The following EML4 variants were observed in gnomAD, a reference collection of about 807,000 sequenced individuals.
EML4 encodes EMAP like 4, also known as echinoderm microtubule-associated protein-like 4.
A neutral mutation model predicts 129.0 loss-of-function variants in EML4; 72 were observed. That is an observed-to-expected ratio of 0.56 (90% CI 0.46 to 0.68). EML4 has a LOEUF of 0.68. Among genes scored for constraint, EML4 ranks in the 30% least tolerant of loss-of-function variants. The probability of loss-of-function intolerance (pLI) is 0.00; values close to 1 mark genes in which losing one functional copy is unlikely to be tolerated. For synonymous variants in EML4, 532 were observed against 405.0 expected (o/e 1.31, Z -3.77); for missense variants, 1,363 against 1,190.6 (o/e 1.14, Z -2.13).
intron 1 of EML4, among the ~76,000 whole-genome samples, chr2:42,185,746 A>G (rs939063263): frequency 6.6e-6 from 1 of 152,148 alleles, no homozygotes; most frequent in Non-Finnish European, 1.5e-5. Context: ...CATGTAATCA[A>G]GTTTGGATTT....
intron 14 of EML4, 47 bp downstream of exon 14, chr2:42,301,439 G>T (rs1268297492): frequency 2.8e-6 from 4 of 1,420,660 alleles, no homozygotes. Context: ...TCTAAACTCA[G>T]GTATTTTGTC....
At chr2:42,255,554 A>ATAACAATAAG (rs1676080461) in intron 2 of EML4, among the ~76,000 whole-genome samples, 1 of 152,252 alleles carries the variant, frequency 6.6e-6, no homozygotes, top group South Asian at 2.1e-4. Context: ...AGCTACTGAT[A>ATAACAATAAG]TAACAATAAG....
At position 42,316,064 on chromosome 2, in the gene EML4, C is replaced by T. The variant is rs959090791; in HGVS notation, c.2056+14C>T. The T allele has an allele frequency of 1.3e-6, 2 of 1,574,412 alleles. No homozygotes were observed. The highest frequency in any genetic ancestry group is 1.7e-6 in the Non-Finnish European group (2 of 1,144,604). On this transcript the variant is annotated intron_variant, in intron 18 of 22. Transcript: ENST00000318522. The stretch of plus-strand genomic sequence containing the variant: ...GCTACTCAATAGGTAGGCAAATTTA[C>T]TCCCACCTCCCAAGCATGGCATTCA...
Position 42,219,924 on chromosome 2 carries a change from TAA to T in EML4, c.26-25566_26-25565del, listed in dbSNP as rs56773943. Among the ~76,000 whole-genome samples, 355 of 137,632 alleles carry T rather than the reference TAA, an allele frequency of 2.6e-3. 1 individual carries two copies. Among genetic ancestry groups the T allele is most frequent in the Middle Eastern group, 3.7e-3 (1 of 268 alleles). 90.3% of individuals were successfully genotyped at this position (137,632 alleles called of 152,430 possible). A position where few individuals can be genotyped will look rare whatever the true frequency, so the allele number is the denominator to read the frequency against. ...CTGGGCGACAGAAGGAGACTCCATC[TAA>T]AAAAAAAAAAAAAAGGAAAACTCTT... On this transcript the variant is annotated intron_variant, in intron 1 of 22. Coordinates refer to ENST00000318522, the MANE Select transcript of EML4 (RefSeq NM_019063.5).
chr2:42,273,935 G>C (rs773261442), intron 6 of EML4, among the ~76,000 whole-genome samples: 4 of 152,100 alleles, frequency 2.6e-5, no homozygotes, highest in Non-Finnish European at 5.9e-5. Context: ...ATTATAACCA[G>C]AAAATAACTG....
chr2:42,245,631 G>T lies in EML4; in HGVS notation c.152G>T (p.Arg51Leu). The change falls in exon 2 of 23, where the codon CGT becomes CTT. Residue 51 changes from arginine (R) to leucine (L), a missense_variant. Coordinates refer to ENST00000318522, the MANE Select transcript of EML4 (RefSeq NM_019063.5). Reference protein sequence around the residue: ...LKAALADVLRRLAISEDHVAS... With the variant: ...LKAALADVLRLLAISEDHVAS... ...GCGGCTTTGGCTGATGTTTTGAGGC[G>T]TCTTGCAATCTCTGAAGATCATGTG... 6.2e-7 allele frequency: 1 copy of T among 1,613,594 alleles called. No homozygotes were observed. Among genetic ancestry groups the T allele is most frequent in the Non-Finnish European group, 8.5e-7 (1 of 1,179,710 alleles).
chr2:42,220,409 C>T (rs1673512683), intron 1 of EML4, among the ~76,000 whole-genome samples: 1 of 151,970 alleles, frequency 6.6e-6, no homozygotes, highest in South Asian at 2.1e-4. Flanking sequence ...TTACGGTGAC[C>T]TGTGATCCAT....
chr2:42,307,682 T>C (rs1668688104), intron 17 of EML4, among the ~76,000 whole-genome samples: 1 of 152,208 alleles, frequency 6.6e-6, no homozygotes, highest in African/African-American at 2.4e-5. Context: ...TAGAGACAGT[T>C]TCCCTCTTTT....
At chr2:42,278,056 G>A (rs182002132) in intron 6 of EML4, among the ~76,000 whole-genome samples, 3 of 152,160 alleles carry the variant, frequency 2.0e-5, no homozygotes, top group Admixed American at 1.3e-4. Context: ...CACATTTTCA[G>A]TCTGGTTCTA....
At chr2:42,243,489 T>C (rs1457390453) in intron 1 of EML4, among the ~76,000 whole-genome samples, 2 of 151,984 alleles carry the variant, frequency 1.3e-5, no homozygotes, top group Admixed American at 6.6e-5. Context: ...TTGTAACTTT[T>C]GTACTTTGTA....
intron 1 of EML4, among the ~76,000 whole-genome samples, chr2:42,191,654 G>C (rs1483426743): frequency 6.6e-6 from 1 of 152,130 alleles, no homozygotes; most frequent in Non-Finnish European, 1.5e-5. Context: ...GTTTAATATT[G>C]ATTTAAAATT....
At chr2:42,233,273 A>G (rs1445531047) in intron 1 of EML4, among the ~76,000 whole-genome samples, 1 of 152,026 alleles carries the variant, frequency 6.6e-6, no homozygotes, top group Non-Finnish European at 1.5e-5. Context: ...AAAAGCAACA[A>G]AAAGAGATAA....
At chr2:42,206,438 A>G (rs1011050049) in intron 1 of EML4, among the ~76,000 whole-genome samples, 2 of 151,858 alleles carry the variant, frequency 1.3e-5, no homozygotes, top group African/African-American at 4.8e-5. Flanking sequence ...CAGGTCCCAA[A>G]CTCCTGGCCT....
At chr2:42,286,815 G>C (rs1198383252) in intron 10 of EML4, among the ~76,000 whole-genome samples, 1 of 152,184 alleles carries the variant, frequency 6.6e-6, no homozygotes, top group Non-Finnish European at 1.5e-5. Flanking sequence ...TCATATTTGA[G>C]CAGCAGAAAC....
At chr2:42,311,029 TAAAG>T (rs1668913646) in intron 17 of EML4, among the ~76,000 whole-genome samples, 1 of 152,228 alleles carries the variant, frequency 6.6e-6, no homozygotes, top group Admixed American at 6.5e-5. Flanking sequence ...TATTAATAAT[TAAAG>T]AAATAGAAAA....
intron 11 of EML4, among the ~76,000 whole-genome samples, chr2:42,291,258 C>T (rs1667623449): frequency 6.6e-6 from 1 of 152,036 alleles, no homozygotes; most frequent in South Asian, 2.1e-4. Context: ...TGCATCTTAG[C>T]ATGAAAGGTA....
At chr2:42,278,284 C>A (rs558952499) in intron 6 of EML4, among the ~76,000 whole-genome samples, 4 of 152,102 alleles carry the variant, frequency 2.6e-5, no homozygotes, top group East Asian at 3.9e-4. Flanking sequence ...GACTAAGAAA[C>A]AATTGCGGCC....
At chr2:42,238,638 A>G (rs992692786) in intron 1 of EML4, among the ~76,000 whole-genome samples, 3 of 152,034 alleles carry the variant, frequency 2.0e-5, no homozygotes, top group African/African-American at 7.2e-5. Flanking sequence ...TTTTTTTGGC[A>G]ATAGGGTCTT....
chr2:42,243,252 A>T (rs1675158185), intron 1 of EML4, among the ~76,000 whole-genome samples: 2 of 152,230 alleles, frequency 1.3e-5, no homozygotes, highest in Admixed American at 6.5e-5. Context: ...CTGTGAGAAG[A>T]AGGAGAATAG....
Sources: gnomAD v4.1 joint callset for allele counts (sites outside exome capture counted in the v4.1 genomes callset) on GRCh38, gnomAD v4.1.1 for gene constraint, MANE v1.5 for transcripts, NCBI Gene and HGNC (gene_info 2026-07-23, HGNC 2026-07-21) for gene names.